The following PLEKHM2 variants were observed in gnomAD, a reference collection of about 807,000 sequenced individuals.
PLEKHM2 encodes pleckstrin homology and RUN domain containing M2.
A neutral mutation model predicts 116.3 loss-of-function variants in PLEKHM2; 77 were observed. The ratio of observed to expected loss-of-function variants is 0.66; its 90% confidence interval spans 0.55 to 0.80. The LOEUF (loss-of-function observed/expected upper bound fraction) is 0.80. Ranked by LOEUF, PLEKHM2 falls within the 30% of genes least tolerant of loss-of-function variation. The pLI is 0.00. For missense variants in PLEKHM2, 1,183 were observed against 1,354.9 expected, an observed-to-expected ratio of 0.87 and a Z score of 1.99; for synonymous variants, 562 against 571.0, an observed-to-expected ratio of 0.98 and a Z score of 0.22.
Position 15,693,835 on chromosome 1 carries a change from C to T in PLEKHM2, c.60+9217C>T, listed in dbSNP as rs189929067. Among the ~76,000 whole-genome samples, 4 of 152,254 alleles carry T rather than the reference C, an allele frequency of 2.6e-5. No individual in the cohort carries two copies. In the East Asian group the frequency reaches 5.8e-4, roughly 22 times the overall value. ...GAAAGGCAAGAGCTGGTGTTCAGTT[C>T]GTGACAGTTGTGGGGAGAAGAAGGT... On this transcript the variant is annotated intron_variant, in intron 1 of 19. Coordinates refer to ENST00000375799, the MANE Select transcript of PLEKHM2 (RefSeq NM_015164.4).
At chr1:15,730,800 T>G in intron 15 of PLEKHM2, 78 bp downstream of exon 15, 3 of 1,197,090 alleles carry the variant, frequency 2.5e-6, no homozygotes, top group Non-Finnish European at 3.5e-6. Flanking sequence ...CGGGGATCTC[T>G]CCGCAGCAGG....
intron 1 of PLEKHM2, among the ~76,000 whole-genome samples, chr1:15,686,301 G>A (rs1640767221): frequency 2.6e-5 from 4 of 152,160 alleles, no homozygotes; most frequent in Admixed American, 2.6e-4. Context: ...AAAGCCATGG[G>A]CAGCATCATT....
chr1:15,705,229 A>T, intron 1 of PLEKHM2, among the ~76,000 whole-genome samples: 1 of 118,996 alleles, frequency 8.4e-6, no homozygotes, highest in Middle Eastern at 8.8e-3. Flanking sequence ...ACCTAGTTGG[A>T]GTGCAGTGGT....
In PLEKHM2 at chr1:15,728,246, C is replaced by T. The variant is rs993066731; in HGVS notation, c.1831-21C>T. 1 of 1,612,246 alleles carries T rather than the reference C, an allele frequency of 6.2e-7. No homozygotes were observed. On this transcript the variant is annotated intron_variant, in intron 10 of 19. Coordinates refer to ENST00000375799, the MANE Select transcript of PLEKHM2 (RefSeq NM_015164.4). The surrounding 1 kb of genome is among the most constrained non-coding windows in gnomAD (Gnocchi z 5.9). Reference sequence around the variant, plus strand: ...AGCGGCAGGAGCCACCTGCCTGACCCTTGTCTGCTTCGGCCCCCAGATGAT... The same window carrying T: ...AGCGGCAGGAGCCACCTGCCTGACCTTTGTCTGCTTCGGCCCCCAGATGAT...
At chr1:15,731,485 G>A (rs921175837) in intron 16 of PLEKHM2, among the ~76,000 whole-genome samples, 7 of 152,162 alleles carry the variant, frequency 4.6e-5, no homozygotes, top group African/African-American at 7.2e-5. Context: ...CCAGTCTGAT[G>A]GGGGAGGCAG....
chr1:15,729,826 T>C lies in PLEKHM2; in HGVS notation c.2105T>C (p.Met702Thr). The C allele has an allele frequency of 6.2e-7, 1 of 1,613,224 alleles. No homozygotes were observed. The highest frequency in any genetic ancestry group is 8.5e-7 in the Non-Finnish European group (1 of 1,179,664). Residue 702 changes from methionine (M) to threonine (T), a missense_variant, in exon 14 of 20, where the codon ATG becomes ACG. By Grantham distance (81) the Met-to-Thr change is moderately conservative. This residue lies in a region of PLEKHM2 where 594 missense variants were observed against 720.1 expected (regional missense o/e 0.82). Transcript: ENST00000375799. The surrounding 1 kb of genome is among the most constrained non-coding windows in gnomAD (Gnocchi z 4.7). ...TTTTTGGCTTCTTTGAAGTCAGCCATGATCAAAGGCTGTCGAGAACCTCCC... is the reference window on the plus strand; with the variant it reads ...TTTTTGGCTTCTTTGAAGTCAGCCACGATCAAAGGCTGTCGAGAACCTCCC... Reference protein sequence around the residue: ...EFFLASLKSAMIKGCREPPYP... With the variant: ...EFFLASLKSATIKGCREPPYP...
chr1:15,732,723 T>C lies in PLEKHM2; in HGVS notation c.2917T>C (p.Tyr973His). The C allele has an allele frequency of 6.3e-7, 1 of 1,599,322 alleles. No individual in the cohort carries two copies. Among genetic ancestry groups the C allele is most frequent in the Non-Finnish European group, 8.5e-7 (1 of 1,170,890 alleles). The change falls in exon 19 of 20, where the codon TAT becomes CAT. Residue 973 changes from tyrosine to histidine, a missense_variant. This residue lies in a region of PLEKHM2 where 594 missense variants were observed against 720.1 expected (regional missense o/e 0.82). Coordinates refer to ENST00000375799, the MANE Select transcript of PLEKHM2 (RefSeq NM_015164.4). ...SALNSGWKTI[Y>H]QVDLPHTAIQ... ...ACTGAACTCTGGGTGGAAAACCATC[T>C]ATCAGGTACCCAGCTGCCCAGGAAA...
chr1:15,699,112 C>T (rs1482572402), intron 1 of PLEKHM2, among the ~76,000 whole-genome samples: 1 of 151,980 alleles, frequency 6.6e-6, no homozygotes, highest in African/African-American at 2.4e-5. Flanking sequence ...ATCACTTGAG[C>T]CCAGGAGTTT....
chr1:15,722,264 C>T (rs968869056), intron 7 of PLEKHM2, among the ~76,000 whole-genome samples: 2 of 152,196 alleles, frequency 1.3e-5, no homozygotes, highest in Admixed American at 6.5e-5. Context: ...CTGCCTCAGC[C>T]TCCCAAGTAG....
At chr1:15,685,541 GAAAAAAAAAAA>G (rs200301672) in intron 1 of PLEKHM2, among the ~76,000 whole-genome samples, 1 of 73,510 alleles carries the variant, frequency 1.4e-5, no homozygotes, top group Admixed American at 1.9e-4. Flanking sequence ...CTCAGAAACT[GAAAAAAAAAAA>G]AAAAAAAAGA....
chr1:15,685,485 C>G (rs1306374204), intron 1 of PLEKHM2, among the ~76,000 whole-genome samples: 2 of 141,858 alleles, frequency 1.4e-5, no homozygotes, highest in East Asian at 2.1e-4. Flanking sequence ...CTCTCCCTCT[C>G]TGTGTGTGTG....
chr1:15,727,854 C>A lies in PLEKHM2; in HGVS notation c.1760+22C>A. 1.3e-6 allele frequency: 2 copies of A among 1,511,132 alleles called. No individual in the cohort carries two copies. The highest frequency in any genetic ancestry group is 1.8e-6 in the Non-Finnish European group (2 of 1,117,282). 93.6% of individuals were successfully genotyped at this position (1,511,132 alleles called of 1,614,324 possible). On this transcript the variant is annotated intron_variant, in intron 9 of 19. Coordinates refer to ENST00000375799, the MANE Select transcript of PLEKHM2 (RefSeq NM_015164.4). The surrounding 1 kb of genome is among the most constrained non-coding windows in gnomAD (Gnocchi z 7.5). ...TCAGGTAACAAGACTCTGCAGCTGG[C>A]ATGGGACTCTCCCAGCCCTTGAAGC...
chr1:15,721,252 AT>A lies in PLEKHM2; in HGVS notation c.653-74del. Reference sequence around the variant, plus strand: ...ATTTTCTCCCCATGTCTCCCACCCCATTTCCCCTCCCCTCCCTCCAGTCATC... The same window carrying A: ...ATTTTCTCCCCATGTCTCCCACCCCATTCCCCTCCCCTCCCTCCAGTCATC... On this transcript the variant is annotated intron_variant, in intron 6 of 19. Transcript: ENST00000375799. This position sits in a 1 kb window ranked among gnomAD's most constrained non-coding sequence, Gnocchi z 5.1. 1 of 566,418 alleles carries A rather than the reference AT, an allele frequency of 1.8e-6. No individual in the cohort carries two copies. The highest frequency in any genetic ancestry group is 4.6e-5 in the East Asian group (1 of 21,904). The allele number at this position is 566,418 out of a possible 1,614,324, so 35.1% of individuals were successfully genotyped here.
intron 1 of PLEKHM2, among the ~76,000 whole-genome samples, chr1:15,692,551 T>C (rs185342405): frequency 1.9e-3 from 294 of 152,304 alleles, no homozygotes; most frequent in African/African-American, 6.5e-3. Context: ...GAGGAGATAC[T>C]AGTGGAGAAG....
chr1:15,734,051 G>T lies in PLEKHM2; in HGVS notation c.*117G>T. ...CCTACAGTCCACCCCTGCCCTGGGC[G>T]GCAGAACCACCGAGTGTGGCTTAAG... On this transcript the variant is annotated 3_prime_UTR_variant, in exon 20 of 20. Transcript: ENST00000375799. 1 of 1,182,286 alleles carries T rather than the reference G, an allele frequency of 8.5e-7. No individual in the cohort carries two copies. The highest frequency in any genetic ancestry group is 1.2e-6 in the Non-Finnish European group (1 of 863,804). 73.2% of individuals were successfully genotyped at this position (1,182,286 alleles called of 1,614,324 possible).
At position 15,726,998 on chromosome 1, in the gene PLEKHM2, G is replaced by A. The variant is rs41393951; in HGVS notation, c.942-16G>A. 0.22 allele frequency: 318,475 copies of A among 1,446,128 alleles called. 37,940 individuals carry two copies. Among genetic ancestry groups the A allele is most frequent in the African/African-American group, 0.44 (30,823 of 69,620 alleles). The allele number at this position is 1,446,128 out of a possible 1,614,324, so 89.6% of individuals were successfully genotyped here. ...CTACTCAGGGGTTAACACTCTCCCCGTCGTTACTGTCCCAGGGTCACCAAG... is the reference window on the plus strand; with the variant it reads ...CTACTCAGGGGTTAACACTCTCCCCATCGTTACTGTCCCAGGGTCACCAAG... On this transcript the variant is annotated splice_polypyrimidine_tract_variant and intron_variant, in intron 8 of 19. Transcript: ENST00000375799.
chr1:15,730,257 A>G (rs1011807060), intron 14 of PLEKHM2, among the ~76,000 whole-genome samples: 2 of 152,200 alleles, frequency 1.3e-5, no homozygotes, highest in Admixed American at 6.5e-5. Context: ...CCTCGCCAAC[A>G]TGGCAAAACC....
rs1324905898 is a variant in PLEKHM2, at chr1:15,684,399, G to A, written c.-160G>A. Reference sequence around the variant, plus strand: ...GGTGGAGCGAGGGCCCAGGCGAGGCGAGGGCCGGGCGGCGGGCGCCGGGCC... The same window carrying A: ...GGTGGAGCGAGGGCCCAGGCGAGGCAAGGGCCGGGCGGCGGGCGCCGGGCC... On this transcript the variant is annotated 5_prime_UTR_variant, in exon 1 of 20. Coordinates refer to ENST00000375799, the MANE Select transcript of PLEKHM2 (RefSeq NM_015164.4). 2 of 207,590 alleles carry A rather than the reference G, an allele frequency of 9.6e-6. No individual in the cohort carries two copies. The highest frequency in any genetic ancestry group is 4.8e-5 in the African/African-American group (2 of 42,036). The allele number at this position is 207,590 out of a possible 1,614,324, so 12.9% of individuals were successfully genotyped here. A position where few individuals can be genotyped will look rare whatever the true frequency, so the allele number is the denominator to read the frequency against.
In PLEKHM2 at chr1:15,724,481, C is replaced by CA. The variant is rs570441692; in HGVS notation, c.713-821dup. Reference sequence around the variant, plus strand: ...CTGGCGACAGAGAGAGACTCCGTCTCAAAAAAAAAAAAAAAGAAAGAAATG... The same window carrying CA: ...CTGGCGACAGAGAGAGACTCCGTCTCAAAAAAAAAAAAAAAAGAAAGAAATG... On this transcript the variant is annotated intron_variant, in intron 7 of 19. Coordinates refer to ENST00000375799, the MANE Select transcript of PLEKHM2 (RefSeq NM_015164.4). Among the ~76,000 whole-genome samples, 828 of 118,408 alleles carry CA rather than the reference C, an allele frequency of 7.0e-3. 3 individuals are homozygous for CA. Among genetic ancestry groups the CA allele is most frequent in the African/African-American group, 0.019 (605 of 32,364 alleles). The allele number at this position is 118,408 out of a possible 152,430, so 77.7% of individuals were successfully genotyped here. A position where few individuals can be genotyped will look rare whatever the true frequency, so the allele number is the denominator to read the frequency against.
Sources: gnomAD v4.1 joint callset for allele counts (sites outside exome capture counted in the v4.1 genomes callset) on GRCh38, gnomAD v4.1.1 for gene constraint, gnomAD v4.1.1 regional missense constraint, Gnocchi (gnomAD v3.1) non-coding constraint, MANE v1.5 for transcripts, NCBI Gene and HGNC (gene_info 2026-07-23, HGNC 2026-07-21) for gene names.